NLGN1: variants seen among roughly 807,000 people sequenced by gnomAD.
NLGN1 encodes neuroligin-1.
NLGN1 carries 12 observed loss-of-function variants against 65.5 expected under a neutral mutation model. The observed-to-expected ratio is 0.18, with a 90% CI of 0.12 to 0.30. The LOEUF (loss-of-function observed/expected upper bound fraction) is 0.30. NLGN1 is among the 10% of genes least tolerant of loss of function. NLGN1 has a pLI of 1.00. For synonymous variants in NLGN1, 350 were observed against 359.5 expected (o/e 0.97, Z 0.30); for missense variants, 750 against 1,007.1 (o/e 0.74, Z 3.46).
At chr3:174,003,257 G>A (rs1040850190) in intron 4 of NLGN1, among the ~76,000 whole-genome samples, 2 of 152,102 alleles carry the variant, frequency 1.3e-5, no homozygotes, top group African/African-American at 4.8e-5. Flanking sequence ...TTCTTTTTAT[G>A]AAAATAACTT....
Position 174,137,188 on chromosome 3 carries a change from C to A in NLGN1, c.647-138127C>A, listed in dbSNP as rs75360534. On this transcript the variant is annotated intron_variant, in intron 4 of 6. Transcript: ENST00000457714. ...CAAAGTTGAAAAATCATAAGTGGAA[C>A]CATCCTAAATTGAGGACTGTCTGTA... Among the ~76,000 whole-genome samples, 93 of 152,180 alleles carry A rather than the reference C, an allele frequency of 6.1e-4. 2 individuals are homozygous for A. The East Asian group carries it at 0.016, about 26-fold the overall frequency.
chr3:173,672,095 T>A (rs1762527903), intron 3 of NLGN1, among the ~76,000 whole-genome samples: 1 of 151,966 alleles, frequency 6.6e-6, no homozygotes, highest in African/African-American at 2.4e-5. Context: ...AATGGTGTGA[T>A]CCCAGGAGAT....
intron 4 of NLGN1, among the ~76,000 whole-genome samples, chr3:174,221,721 A>C (rs1738697397): frequency 6.6e-6 from 1 of 152,060 alleles, no homozygotes. Context: ...GTCCAATGTA[A>C]AGTTGCTTGC....
exon 7 of NLGN1, chr3:174,282,460 TC>T (rs1490596819): frequency 6.6e-6 from 1 of 152,248 alleles, no homozygotes; most frequent in East Asian, 1.9e-4. Flanking sequence ...GTTATATCCC[TC>T]TTTACATCAC....
intron 2 of NLGN1, among the ~76,000 whole-genome samples, chr3:173,563,928 C>A (rs866724987): frequency 6.6e-6 from 1 of 152,316 alleles, no homozygotes; most frequent in East Asian, 1.9e-4. Context: ...TCCTCTACTC[C>A]TTCCACTCTT....
At chr3:174,066,562 CTCTG>C (rs1453926248) in intron 4 of NLGN1, among the ~76,000 whole-genome samples, 107 of 129,902 alleles carry the variant, frequency 8.2e-4, no homozygotes, top group Middle Eastern at 7.8e-3. Flanking sequence ...CTCTCTCTCT[CTCTG>C]TGTGTGTGTG....
At chr3:174,056,729 C>T (rs943844892) in intron 4 of NLGN1, among the ~76,000 whole-genome samples, 1 of 151,958 alleles carries the variant, frequency 6.6e-6, no homozygotes, top group Non-Finnish European at 1.5e-5. Flanking sequence ...CGTTCAAGCA[C>T]TATATTTCAG....
chr3:173,880,498 T>C (rs1733008521), intron 4 of NLGN1, among the ~76,000 whole-genome samples: 1 of 151,668 alleles, frequency 6.6e-6, no homozygotes, highest in Non-Finnish European at 1.5e-5. Flanking sequence ...AATTTTTTTT[T>C]TATTTTCTAG....
At chr3:173,990,814 A>G (rs150536105) in intron 4 of NLGN1, among the ~76,000 whole-genome samples, 224 of 152,320 alleles carry the variant, frequency 1.5e-3, no homozygotes, top group Admixed American at 4.4e-3. Context: ...TTTAAAAGAA[A>G]CAATTGTAAT....
At chr3:173,824,222 A>G (rs1202483531) in intron 4 of NLGN1, among the ~76,000 whole-genome samples, 5 of 152,132 alleles carry the variant, frequency 3.3e-5, no homozygotes, top group Non-Finnish European at 7.4e-5. Flanking sequence ...CATGGTTTCT[A>G]CCTTGTAATG....
At chr3:174,062,771 T>C (rs1737694471) in intron 4 of NLGN1, among the ~76,000 whole-genome samples, 1 of 152,066 alleles carries the variant, frequency 6.6e-6, no homozygotes, top group Non-Finnish European at 1.5e-5. Flanking sequence ...TACATTTTTC[T>C]TTTATCTCTT....
chr3:173,799,517 G>A (rs71310562), intron 3 of NLGN1, among the ~76,000 whole-genome samples: 12,065 of 151,822 alleles, frequency 0.079, 510 homozygotes, highest in Middle Eastern at 0.095. Flanking sequence ...CTGCACTAAG[G>A]CATAATTCCA....
intron 4 of NLGN1, among the ~76,000 whole-genome samples, chr3:174,237,994 T>G (rs1317431633): frequency 6.6e-6 from 1 of 152,204 alleles, no homozygotes; most frequent in Non-Finnish European, 1.5e-5. Flanking sequence ...GACAACATTT[T>G]TACCTGTATA....
intron 3 of NLGN1, among the ~76,000 whole-genome samples, chr3:173,649,469 A>G (rs930519387): frequency 6.6e-6 from 1 of 152,126 alleles, no homozygotes; most frequent in African/African-American, 2.4e-5. Context: ...AAATATGCGC[A>G]ATTTTTTATG....
At chr3:174,072,708 A>G (rs1740151249) in intron 4 of NLGN1, among the ~76,000 whole-genome samples, 1 of 152,032 alleles carries the variant, frequency 6.6e-6, no homozygotes, top group Non-Finnish European at 1.5e-5. Context: ...AGAGAAGGGT[A>G]TTGGTGTTTG....
intron 4 of NLGN1, among the ~76,000 whole-genome samples, chr3:174,273,227 T>A (rs904710738): frequency 6.6e-6 from 1 of 151,714 alleles, no homozygotes; most frequent in African/African-American, 2.4e-5. Flanking sequence ...GTAATTTGAA[T>A]GTAACTGCAA....
intron 2 of NLGN1, among the ~76,000 whole-genome samples, chr3:173,453,413 A>C (rs777475694): frequency 6.6e-6 from 1 of 151,776 alleles, no homozygotes; most frequent in Non-Finnish European, 1.5e-5. Context: ...GCAACAATGA[A>C]GTTGGTCACA....
At chr3:173,713,619 TTACTA>T (rs1454616424) in intron 3 of NLGN1, among the ~76,000 whole-genome samples, 1 of 152,120 alleles carries the variant, frequency 6.6e-6, no homozygotes, top group African/African-American at 2.4e-5. Flanking sequence ...ATTTCACTGT[TTACTA>T]TATGATTGAC....
chr3:174,110,285 A>T (rs1054971659), intron 4 of NLGN1, among the ~76,000 whole-genome samples: 4 of 151,710 alleles, frequency 2.6e-5, no homozygotes, highest in African/African-American at 9.7e-5. Flanking sequence ...CCACATCTCC[A>T]CCTCTCAAAT....
Sources: allele counts gnomAD v4.1 joint callset (sites outside exome capture counted in the v4.1 genomes callset), GRCh38; gene constraint gnomAD v4.1.1; transcripts MANE v1.5; gene names NCBI Gene and HGNC (gene_info 2026-07-23, HGNC 2026-07-21).